METTL8: variants seen among roughly 807,000 people sequenced by gnomAD.
METTL8 encodes the protein tRNA N(3)-cytidine methyltransferase METTL8, mitochondrial.
A neutral mutation model predicts 48.7 loss-of-function variants in METTL8; 32 were observed. The observed-to-expected ratio is 0.66, with a 90% CI of 0.50 to 0.88. The LOEUF (loss-of-function observed/expected upper bound fraction) is 0.88, where lower values mean the gene tolerates loss of function less well. Among genes scored for constraint, METTL8 ranks in the 40% least tolerant of loss-of-function variants. The pLI is 0.00. For synonymous variants in METTL8, 136 were observed against 157.1 expected, an observed-to-expected ratio of 0.87 and a Z score of 1.01; for missense variants, 464 against 474.4, an observed-to-expected ratio of 0.98 and a Z score of 0.20.
At chr2:171,385,194 C>T (rs1343159513) in intron 2 of METTL8, among the ~76,000 whole-genome samples, 1 of 152,008 alleles carries the variant, frequency 6.6e-6, no homozygotes, top group South Asian at 2.1e-4. Context: ...AGGAGGACTG[C>T]TTGAGGCCAG....
At chr2:171,385,932 C>T (rs982573247) in intron 2 of METTL8, among the ~76,000 whole-genome samples, 5 of 152,160 alleles carry the variant, frequency 3.3e-5, no homozygotes, top group African/African-American at 1.2e-4. Flanking sequence ...CAAGGGTTCC[C>T]AAACCTGGCT....
intron 1 of METTL8, among the ~76,000 whole-genome samples, chr2:171,427,502 A>G (rs1184343197): frequency 6.6e-6 from 1 of 152,184 alleles, no homozygotes; most frequent in African/African-American, 2.4e-5. Flanking sequence ...TCTCTCCTGC[A>G]CACTAAAGAG....
At chr2:171,348,302 T>C (rs1683513567) in intron 3 of METTL8, among the ~76,000 whole-genome samples, 1 of 152,216 alleles carries the variant, frequency 6.6e-6, no homozygotes. Context: ...GATAGTATTT[T>C]AGTCTCTGTG....
rs904055459 is a variant in METTL8, at chr2:171,330,468, C to T, written c.860+91G>A. ...AATGTTGCTCACTAAATAATAAATT[C>T]AAAAATTGTCATTTTTGCTTTGATA... On this transcript the variant is annotated intron_variant, in intron 7 of 9. Coordinates refer to ENST00000375258, the MANE Select transcript of METTL8 (RefSeq NM_001321154.2). The T allele has an allele frequency of 3.1e-6, 4 of 1,273,762 alleles. No individual in the cohort carries two copies. In the African/African-American group the frequency reaches 4.6e-5, roughly 14 times the overall value. 78.9% of individuals were successfully genotyped at this position (1,273,762 alleles called of 1,614,324 possible). A position where few individuals can be genotyped will look rare whatever the true frequency, so the allele number is the denominator to read the frequency against.
At chr2:171,343,389 C>T (rs1054941473) in intron 3 of METTL8, among the ~76,000 whole-genome samples, 14 of 151,806 alleles carry the variant, frequency 9.2e-5, no homozygotes, top group East Asian at 7.8e-4. Context: ...CGGTGAGCTG[C>T]GATCGTGCCA....
At chr2:171,410,791 T>C (rs1306722363) in intron 1 of METTL8, among the ~76,000 whole-genome samples, 1 of 152,212 alleles carries the variant, frequency 6.6e-6, no homozygotes, top group Non-Finnish European at 1.5e-5. Context: ...GGAAGAATAA[T>C]ACTCATTAAG....
rs1684588952 is a variant in METTL8 at position 171,322,721 on chromosome 2, G to T, written c.*1451C>A. The T allele has an allele frequency of 7.0e-6, 1 of 142,822 alleles. No homozygotes were observed. The highest frequency in any genetic ancestry group is 2.3e-4 in the South Asian group (1 of 4,358). The allele number at this position is 142,822 out of a possible 1,614,324, so 8.8% of individuals were successfully genotyped here. ...ATCACGCCACTGCACTCCAGCCTGG[G>T]TGCCAGAGCAAGACTCCATCTCAAA... On this transcript the variant is annotated 3_prime_UTR_variant, in exon 10 of 10. Transcript: ENST00000375258.
chr2:171,349,813 C>T (rs922849540), intron 3 of METTL8, among the ~76,000 whole-genome samples: 1 of 152,076 alleles, frequency 6.6e-6, no homozygotes, highest in Non-Finnish European at 1.5e-5. Flanking sequence ...TCTCCAAAGC[C>T]TTGTCAATGC....
intron 1 of METTL8, among the ~76,000 whole-genome samples, chr2:171,409,937 G>A (rs950399025): frequency 6.6e-6 from 1 of 152,046 alleles, no homozygotes; most frequent in African/African-American, 2.4e-5. Context: ...GTGGAATTTC[G>A]ACCTAGAGCC....
rs1684945321 is a variant in METTL8, at chr2:171,326,251, C to T, written c.861-103G>A. 6.3e-6 allele frequency: 4 copies of T among 632,768 alleles called. No individual in the cohort carries two copies. In the East Asian group the frequency reaches 1.2e-4, roughly 18 times the overall value. The allele number at this position is 632,768 out of a possible 1,614,324, so 39.2% of individuals were successfully genotyped here. A position where few individuals can be genotyped will look rare whatever the true frequency, so the allele number is the denominator to read the frequency against. ...ACAAAATAAGAAAAGCTTGATAAGGCCAAAGAAATCTAAACCATAAACATA... is the reference window on the plus strand; with the variant it reads ...ACAAAATAAGAAAAGCTTGATAAGGTCAAAGAAATCTAAACCATAAACATA... On this transcript the variant is annotated intron_variant, in intron 7 of 9. Transcript: ENST00000375258.
chr2:171,354,680 A>C (rs531567409), intron 3 of METTL8, among the ~76,000 whole-genome samples: 5 of 151,964 alleles, frequency 3.3e-5, no homozygotes, highest in South Asian at 4.2e-4. Context: ...TTTTCTCTAA[A>C]CTTCTCTTTT....
At chr2:171,407,157 TA>T (rs1690269550) in intron 1 of METTL8, among the ~76,000 whole-genome samples, 3 of 151,220 alleles carry the variant, frequency 2.0e-5, no homozygotes, top group Admixed American at 2.0e-4. Flanking sequence ...AAGAGGAGGG[TA>T]GAAGGAATTG....
chr2:171,358,435 T>C (rs753147201), intron 3 of METTL8, among the ~76,000 whole-genome samples: 5 of 150,422 alleles, frequency 3.3e-5, no homozygotes, highest in African/African-American at 4.9e-5. Context: ...AGCAACCAAA[T>C]TGGCATGGTA....
intron 1 of METTL8, among the ~76,000 whole-genome samples, chr2:171,397,616 G>GA (rs551015992): frequency 6.7e-6 from 1 of 149,132 alleles, no homozygotes; most frequent in South Asian, 2.1e-4. Flanking sequence ...GCAAAGCAGG[G>GA]AAAAATCAAA....
chr2:171,331,820 G>A lies in METTL8; in HGVS notation c.704C>T (p.Ala235Val). Residue 235 changes from alanine to valine, a missense_variant, in exon 6 of 10, where the codon GCT (alanine) becomes GTT (valine). Physicochemically the swap from Ala to Val is moderately conservative, Grantham distance 64. Transcript: ENST00000375258. ...GTAGCATACCTTTACGAGCTCCACA[G>A]CTCCAGAAGCAAAATCACAACAATA... ...FLYCCDFASG[A>V]VELVKSHSSY... 2 of 1,604,240 alleles carry A rather than the reference G, an allele frequency of 1.2e-6. No homozygotes were observed. Among genetic ancestry groups the A allele is most frequent in the Non-Finnish European group, 1.7e-6 (2 of 1,174,910 alleles).
At chr2:171,345,031 T>C (rs1233437370) in intron 3 of METTL8, among the ~76,000 whole-genome samples, 2 of 152,202 alleles carry the variant, frequency 1.3e-5, no homozygotes, top group East Asian at 3.8e-4. Flanking sequence ...TAACTGACTT[T>C]CTAAACAGGT....
intron 3 of METTL8, among the ~76,000 whole-genome samples, chr2:171,355,751 G>A (rs1261039299): frequency 2.6e-5 from 4 of 152,172 alleles, no homozygotes; most frequent in South Asian, 2.1e-4. Context: ...CTCCGTGGGC[G>A]TGGGACCCTC....
At chr2:171,411,669 T>TCCAGATG (rs1690765339) in intron 1 of METTL8, among the ~76,000 whole-genome samples, 1 of 152,114 alleles carries the variant, frequency 6.6e-6, no homozygotes, top group Non-Finnish European at 1.5e-5. Flanking sequence ...CAAAATAAAT[T>TCCAGATG]CCAGATGAGT....
intron 1 of METTL8, among the ~76,000 whole-genome samples, chr2:171,393,995 A>G (rs1688826005): frequency 1.3e-5 from 2 of 152,224 alleles, no homozygotes; most frequent in African/African-American, 4.8e-5. Flanking sequence ...TTCAACAGCA[A>G]GTGCAGATGC....
Sources: allele counts gnomAD v4.1 joint callset (sites outside exome capture counted in the v4.1 genomes callset), GRCh38; gene constraint gnomAD v4.1.1; transcripts MANE v1.5; gene names NCBI Gene and HGNC (gene_info 2026-07-23, HGNC 2026-07-21).